The following HNRNPM variants were observed in gnomAD, a reference collection of about 807,000 sequenced individuals.
HNRNPM encodes the protein heterogeneous nuclear ribonucleoprotein M, also known as CEA receptor.
A neutral mutation model predicts 73.1 loss-of-function variants in HNRNPM; 11 were observed. The observed-to-expected ratio is 0.15, with a 90% CI of 0.09 to 0.25. The LOEUF is 0.25. Ranked by LOEUF, HNRNPM falls within the 10% of genes least tolerant of loss-of-function variation. The pLI, the probability that HNRNPM is intolerant of heterozygous loss-of-function variation, is 1.00. For missense variants in HNRNPM, 789 were observed against 1,067.9 expected (o/e 0.74, Z 3.64); for synonymous variants, 407 against 355.2 (o/e 1.15, Z -1.64).
intron 5 of HNRNPM, 77 bp downstream of exon 5, chr19:8,463,763 C>G: frequency 1.0e-6 from 1 of 996,630 alleles, no homozygotes; most frequent in Non-Finnish European, 1.6e-6. Flanking sequence ...GAAAGACGGT[C>G]ATGGTCCCAG....
intron 12 of HNRNPM, among the ~76,000 whole-genome samples, chr19:8,477,897 C>T (rs780210927): frequency 1.3e-5 from 2 of 152,186 alleles, no homozygotes; most frequent in Non-Finnish European, 2.9e-5. Context: ...CTCTCACCAG[C>T]ATGTGACCTT....
Position 8,485,679 on chromosome 19 carries a change from G to T in HNRNPM, c.1251G>T (p.Glu417Asp), listed in dbSNP as rs545597772. Residue 417 changes from glutamate to aspartate, a missense_variant, in exon 14 of 16, where the codon GAG becomes GAT. By Grantham distance (45) the Glu-to-Asp change is conservative. This residue lies in a region of HNRNPM where 604 missense variants were observed against 744.0 expected (regional missense o/e 0.81). Transcript: ENST00000325495. ...ACCGCCTCGGGGGTGCCGGCATGGA[G>T]CGCATGGGCGCGGGCCTGGGCCACG... Reference protein sequence around the residue: ...GIDRLGGAGMERMGAGLGHGM... With the variant: ...GIDRLGGAGMDRMGAGLGHGM... The T allele has an allele frequency of 2.8e-5, 45 of 1,607,932 alleles. 1 individual carries two copies. The South Asian group carries it at 4.9e-4, about 18-fold the overall frequency.
chr19:8,480,867 G>C (rs1408427994), intron 12 of HNRNPM, among the ~76,000 whole-genome samples: 1 of 152,114 alleles, frequency 6.6e-6, no homozygotes, highest in Non-Finnish European at 1.5e-5. Context: ...GTCCTGACCG[G>C]CAGGGCGCCA....
rs143973988 is a variant in HNRNPM, at chr19:8,487,569, C to T, written c.2029+494C>T. The T allele has an allele frequency of 7.1e-3, 1,161 of 163,754 alleles. 9 individuals are homozygous for T. Among genetic ancestry groups the T allele is most frequent in the Middle Eastern group, 0.019 (6 of 310 alleles). The allele number at this position is 163,754 out of a possible 1,614,324, so 10.1% of individuals were successfully genotyped here. A position where few individuals can be genotyped will look rare whatever the true frequency, so the allele number is the denominator to read the frequency against. On this transcript the variant is annotated intron_variant, in intron 15 of 15. Transcript: ENST00000325495. ...TTTCCTGGCACATCGGGCAACTCTT[C>T]TGGAGGGCTCTGTCTGTGGCTGAAA...
chr19:8,465,658 T>C, intron 6 of HNRNPM, 143 bp downstream of exon 6: 1 of 661,426 alleles, frequency 1.5e-6, no homozygotes, highest in Non-Finnish European at 2.5e-6. Context: ...AAAATCAGCC[T>C]TATAGGCGGG....
At chr19:8,487,270 C>T (rs62119396) in intron 15 of HNRNPM, 195 bp downstream of exon 15, 199 of 624,880 alleles carry the variant, frequency 3.2e-4, no homozygotes, top group Non-Finnish European at 5.0e-4. Flanking sequence ...GCTGTGTTCT[C>T]ATTTCATCCT....
intron 1 of HNRNPM, among the ~76,000 whole-genome samples, chr19:8,448,657 T>C (rs1968392815): frequency 1.3e-5 from 2 of 151,222 alleles, no homozygotes; most frequent in Admixed American, 1.3e-4. Flanking sequence ...TTTTTAATAT[T>C]TTTTTTTAGT....
intron 2 of HNRNPM, among the ~76,000 whole-genome samples, chr19:8,457,832 GT>G (rs1387607127): frequency 6.6e-6 from 1 of 152,186 alleles, no homozygotes; most frequent in African/African-American, 2.4e-5. Context: ...AGTTTTAAGT[GT>G]TTTGAAGACT....
chr19:8,481,142 T>A (rs561533629), intron 12 of HNRNPM, among the ~76,000 whole-genome samples: 1 of 152,334 alleles, frequency 6.6e-6, no homozygotes, highest in South Asian at 2.1e-4. Context: ...ATCTTTGCAC[T>A]CCTTTGTGCA....
chr19:8,470,208 C>A (rs1480363994), intron 9 of HNRNPM, among the ~76,000 whole-genome samples: 1 of 152,224 alleles, frequency 6.6e-6, no homozygotes, highest in Non-Finnish European at 1.5e-5. Context: ...CCGTGGCGAT[C>A]TCTTGCTGCT....
At chr19:8,468,008 CAGAGTGAGACTCTGTCTCA>C (rs2083653065) in intron 8 of HNRNPM, among the ~76,000 whole-genome samples, 1 of 151,756 alleles carries the variant, frequency 6.6e-6, no homozygotes. Flanking sequence ...GCCTGGGCAA[CAGAGTGAGACTCTGTCTCA>C]AGAAAAAAAA....
At chr19:8,475,523 G>C (rs1465642878) in intron 12 of HNRNPM, among the ~76,000 whole-genome samples, 2 of 152,298 alleles carry the variant, frequency 1.3e-5, no homozygotes, top group African/African-American at 4.8e-5. Flanking sequence ...GGCTTGAAAG[G>C]CGGCTGTCCC....
chr19:8,466,744 T>A (rs1969774538), intron 7 of HNRNPM, among the ~76,000 whole-genome samples: 2 of 140,828 alleles, frequency 1.4e-5, no homozygotes, highest in East Asian at 4.8e-4. Context: ...AAGAATCGCT[T>A]GAACCCGGGA....
At chr19:8,445,154 CCGCGGCCGA>C (rs751698434) in intron 1 of HNRNPM, 43 bp downstream of exon 1, 353 of 1,340,696 alleles carry the variant, frequency 2.6e-4, no homozygotes, top group Non-Finnish European at 3.3e-4. Flanking sequence ...GGGTTCCTCT[CCGCGGCCGA>C]CGCGGGCGGC....
At chr19:8,454,870 G>C (rs150011932) in intron 1 of HNRNPM, among the ~76,000 whole-genome samples, 1 of 152,056 alleles carries the variant, frequency 6.6e-6, no homozygotes, top group Non-Finnish European at 1.5e-5. Context: ...GTTACTGTCC[G>C]TAGGAGTATT....
Position 8,448,918 on chromosome 19 carries a change from G to C in HNRNPM, c.113+3807G>C, listed in dbSNP as rs76586439. Among the ~76,000 whole-genome samples the C allele has an allele frequency of 1.6e-3, 239 of 152,136 alleles. 2 individuals carry two copies. The highest frequency in any genetic ancestry group is 0.01 in the Middle Eastern group (3 of 294). ...CCATTTGACAATCAAGAAAACTTTC[G>C]TTTTAAACACTTAAACCCAGGTTCA... On this transcript the variant is annotated intron_variant, in intron 1 of 15. Transcript: ENST00000325495.
At chr19:8,478,089 C>T (rs542781015) in intron 12 of HNRNPM, among the ~76,000 whole-genome samples, 3 of 152,304 alleles carry the variant, frequency 2.0e-5, no homozygotes, top group Middle Eastern at 3.4e-3. Flanking sequence ...TTTGATTTAG[C>T]TGCACTGCAG....
chr19:8,481,486 G>A (rs758966682), intron 12 of HNRNPM: 7 of 141,170 alleles, frequency 5.0e-5, no homozygotes, highest in Middle Eastern at 3.6e-3. Context: ...TGTGAATGCC[G>A]ATGGGAGAAT....
chr19:8,452,896 A>G (rs1454410545), intron 1 of HNRNPM, among the ~76,000 whole-genome samples: 2 of 152,198 alleles, frequency 1.3e-5, no homozygotes, highest in East Asian at 1.9e-4. Context: ...GCTGGAGTGC[A>G]GTGGTGCAAT....
Sources: allele counts gnomAD v4.1 joint callset (sites outside exome capture counted in the v4.1 genomes callset), GRCh38; gene constraint gnomAD v4.1.1; regional missense constraint gnomAD v4.1.1; transcripts MANE v1.5; gene names NCBI Gene and HGNC (gene_info 2026-07-23, HGNC 2026-07-21).